PTPN5: variants seen among roughly 807,000 people sequenced by gnomAD.
The protein encoded by PTPN5 is tyrosine-protein phosphatase non-receptor type 5.
In PTPN5, 29 loss-of-function variants were observed where a neutral mutation model predicts 73.9. The observed-to-expected ratio is 0.39, with a 90% CI of 0.29 to 0.54. The LOEUF (loss-of-function observed/expected upper bound fraction) is 0.54. Ranked by LOEUF, PTPN5 falls within the 20% of genes least tolerant of loss-of-function variation. The pLI is 0.65. For synonymous variants in PTPN5, 267 were observed against 304.7 expected (o/e 0.88, Z 1.29); for missense variants, 652 against 751.4 (o/e 0.87, Z 1.55).
chr11:18,735,618 G>C (rs142408251), intron 9 of PTPN5, among the ~76,000 whole-genome samples: 3,090 of 152,012 alleles, frequency 0.02, 103 homozygotes, highest in African/African-American at 0.071. Flanking sequence ...GAGTTGGAGA[G>C]CAGCCTGGCC....
At position 18,749,041 on chromosome 11, in the gene PTPN5, G is replaced by C. The variant is rs578163046; in HGVS notation, c.98-4842C>G. On this transcript the variant is annotated intron_variant, in intron 3 of 14. Transcript: ENST00000358540. ...TTCTGGGAATAATACCACCTCACTG[G>C]GCTGGCTCTCTGCAGTTCCCAAAGT... is the stretch of plus-strand genomic sequence containing the variant. Among the ~76,000 whole-genome samples the C allele has an allele frequency of 8.3e-4, 126 of 152,256 alleles. 1 individual carries two copies. The South Asian group carries it at 8.9e-3, about 11-fold the overall frequency.
chr11:18,783,635 T>C (rs928649281), intron 1 of PTPN5, among the ~76,000 whole-genome samples: 4 of 152,150 alleles, frequency 2.6e-5, no homozygotes, highest in Admixed American at 6.5e-5. Flanking sequence ...GTCACCAAGA[T>C]TGAGATAATG....
intron 3 of PTPN5, 119 bp downstream of exon 3, chr11:18,765,688 G>A (rs1459027827): frequency 4.1e-6 from 3 of 726,344 alleles, no homozygotes; most frequent in Non-Finnish European, 7.5e-6. Flanking sequence ...TGGAGCAGCT[G>A]CATGGATATT....
intron 12 of PTPN5, chr11:18,730,266 A>G: frequency 3.4e-6 from 1 of 295,204 alleles, no homozygotes; most frequent in South Asian, 1.1e-4. Flanking sequence ...TGCAAGTTTT[A>G]CCACCTCTTC....
intron 3 of PTPN5, 146 bp downstream of exon 3, chr11:18,765,661 A>G: frequency 1.5e-6 from 1 of 667,784 alleles, no homozygotes; most frequent in Non-Finnish European, 2.8e-6. Context: ...ACAAGTCCCC[A>G]TTTAAACGAA....
chr11:18,777,358 T>G (rs1851206683), intron 1 of PTPN5, among the ~76,000 whole-genome samples: 1 of 152,176 alleles, frequency 6.6e-6, no homozygotes, highest in African/African-American at 2.4e-5. Context: ...TAATGGAGAT[T>G]AAATGAATGT....
intron 12 of PTPN5, chr11:18,730,397 G>A (rs1564884374): frequency 6.4e-6 from 1 of 157,104 alleles, no homozygotes; most frequent in Non-Finnish European, 1.4e-5. Context: ...ACACACATCT[G>A]GACATGCTGC....
intron 3 of PTPN5, among the ~76,000 whole-genome samples, chr11:18,749,903 G>A (rs1364985180): frequency 2.0e-5 from 3 of 152,176 alleles, no homozygotes; most frequent in Admixed American, 2.0e-4. Flanking sequence ...CTGTTTACAT[G>A]AGAAAGCAAG....
intron 3 of PTPN5, among the ~76,000 whole-genome samples, chr11:18,750,604 C>T (rs778089741): frequency 2.7e-4 from 41 of 152,158 alleles, no homozygotes; most frequent in Non-Finnish European, 5.4e-4. Context: ...GATATAGGAG[C>T]GGTATGGGTG....
chr11:18,754,412 G>A (rs568183624), intron 3 of PTPN5, among the ~76,000 whole-genome samples: 1 of 152,300 alleles, frequency 6.6e-6, no homozygotes, highest in South Asian at 2.1e-4. Context: ...CTCCGAGCTG[G>A]TTCACCAACA....
chr11:18,750,750 C>T (rs1472977207), intron 3 of PTPN5, among the ~76,000 whole-genome samples: 1 of 152,198 alleles, frequency 6.6e-6, no homozygotes, highest in African/African-American at 2.4e-5. Context: ...ATAGTCACAA[C>T]TGTGCTGCAG....
At chr11:18,781,069 GA>G (rs1181868047) in intron 1 of PTPN5, among the ~76,000 whole-genome samples, 1 of 152,142 alleles carries the variant, frequency 6.6e-6, no homozygotes, top group African/African-American at 2.4e-5. Flanking sequence ...GCTTGACACA[GA>G]GACCTCTTTG....
rs554158214 is a variant in PTPN5, at chr11:18,778,969, G to A, written c.-113-6898C>T. 2.6e-5 allele frequency among the ~76,000 whole-genome samples: 4 copies of A among 152,224 alleles called. No homozygotes were observed. In the East Asian group the frequency reaches 7.7e-4, roughly 29 times the overall value. On this transcript the variant is annotated intron_variant, in intron 1 of 14. Coordinates refer to ENST00000358540, the MANE Select transcript of PTPN5 (RefSeq NM_006906.2). ...CTGGGCCTGGGCTGCCCATGCTGCT[G>A]TCCCTTGCTCCGGATGGTCCATGAT...
At chr11:18,740,903 T>C in intron 7 of PTPN5, 111 bp from the exon 8 acceptor site, 2 of 609,882 alleles carry the variant, frequency 3.3e-6, no homozygotes, top group Non-Finnish European at 5.2e-6. Context: ...GGGAACAGGG[T>C]GGGGTTGAGG....
rs1354605571 is a variant in PTPN5 at position 18,729,548 on chromosome 11, G to A, written c.1509C>T (p.Thr503=). ...IVHCSAGIGR[T]GCFIATSICC... is the part of the protein sequence containing the mutation. ...AGATGCTGGTGGCAATGAAGCAGCC[G>A]GTCCTCCCAATCCCTGCACTGAGGG... The change falls in exon 14 of 15, where the codon ACC becomes ACT. Residue 503 remains threonine (T), a synonymous_variant. Coordinates refer to ENST00000358540, the MANE Select transcript of PTPN5 (RefSeq NM_006906.2). This position sits in a 1 kb window ranked among gnomAD's most constrained non-coding sequence, Gnocchi z 5.2. 1.8e-5 allele frequency: 28 copies of A among 1,596,752 alleles called. No individual in the cohort carries two copies. Among genetic ancestry groups the A allele is most frequent in the Admixed American group, 8.3e-5 (5 of 59,982 alleles).
intron 1 of PTPN5, among the ~76,000 whole-genome samples, chr11:18,779,969 A>G (rs1473381563): frequency 6.6e-6 from 1 of 152,168 alleles, no homozygotes; most frequent in Non-Finnish European, 1.5e-5. Flanking sequence ...AGGGCTGTAC[A>G]TAGGGAGAGC....
At chr11:18,748,156 C>G (rs183660443) in intron 3 of PTPN5, among the ~76,000 whole-genome samples, 1 of 152,100 alleles carries the variant, frequency 6.6e-6, no homozygotes, top group South Asian at 2.1e-4. Context: ...TTTCAGGCCT[C>G]GACTCCCACC....
chr11:18,740,346 C>A, intron 8 of PTPN5: 1 of 321,112 alleles, frequency 3.1e-6, no homozygotes. Context: ...CCTCCATCAC[C>A]TGGCTGGGTG....
At chr11:18,764,422 A>C (rs1201816560) in intron 3 of PTPN5, among the ~76,000 whole-genome samples, 2 of 152,220 alleles carry the variant, frequency 1.3e-5, no homozygotes, top group Non-Finnish European at 2.9e-5. Flanking sequence ...GACCGTCTCA[A>C]CAGGCTGTCC....
Sources: gnomAD v4.1 joint callset for allele counts (sites outside exome capture counted in the v4.1 genomes callset) on GRCh38, gnomAD v4.1.1 for gene constraint, Gnocchi (gnomAD v3.1) non-coding constraint, MANE v1.5 for transcripts, NCBI Gene and HGNC (gene_info 2026-07-23, HGNC 2026-07-21) for gene names.